Variants in WDR75 observed in about 807,000 individuals in gnomAD.
WDR75 encodes the protein WD repeat domain 75, also known as WD repeat-containing protein 75.
In WDR75, 52 loss-of-function variants were observed where a neutral mutation model predicts 106.1. The observed-to-expected ratio is 0.49, with a 90% CI of 0.39 to 0.62. The LOEUF (loss-of-function observed/expected upper bound fraction) is 0.62, where lower values mean the gene tolerates loss of function less well. Among genes scored for constraint, WDR75 ranks in the 20% least tolerant of loss-of-function variants. WDR75 has a pLI of 0.00. For missense variants in WDR75, 905 were observed against 970.3 expected, an observed-to-expected ratio of 0.93 and a Z score of 0.89; for synonymous variants, 333 against 335.5, an observed-to-expected ratio of 0.99 and a Z score of 0.08.
chr2:189,464,126 A>C lies in WDR75; in HGVS notation c.1113+165A>C, dbSNP rs895646393. ...GTTCAGTTGTTCAGAGCATAATTCC[A>C]TTGAGGCCACAGTTGCAGGTTACAT... On this transcript the variant is annotated intron_variant, in intron 11 of 20. Transcript: ENST00000314761. 1.4e-5 allele frequency: 9 copies of C among 651,516 alleles called. No individual in the cohort carries two copies. In the African/African-American group the frequency reaches 1.7e-4, roughly 12 times the overall value. The allele number at this position is 651,516 out of a possible 1,614,324, so 40.4% of individuals were successfully genotyped here.
intron 1 of WDR75, among the ~76,000 whole-genome samples, chr2:189,442,081 CTCT>C (rs1686384101): frequency 6.6e-6 from 1 of 152,198 alleles, no homozygotes; most frequent in African/African-American, 2.4e-5. Flanking sequence ...AAGACTTGGT[CTCT>C]TTTCTCAGTG....
chr2:189,449,578 A>G (rs1686573185), intron 2 of WDR75: 2 of 1,047,708 alleles, frequency 1.9e-6, no homozygotes, highest in Admixed American at 9.7e-5. Context: ...TTTGTTTCGG[A>G]TGACTGAAAG....
chr2:189,457,171 G>A, intron 5 of WDR75, 140 bp from the exon 6 acceptor site: 1 of 582,656 alleles, frequency 1.7e-6, no homozygotes, highest in South Asian at 1.8e-5. Context: ...AACTCGGGAG[G>A]CAGAGTTTGC....
intron 2 of WDR75, 129 bp downstream of exon 2, chr2:189,448,637 A>G: frequency 8.1e-7 from 1 of 1,230,548 alleles, no homozygotes; most frequent in Non-Finnish European, 1.2e-6. Flanking sequence ...GTTGTAGGGT[A>G]TTTTCCACTT....
intron 1 of WDR75, among the ~76,000 whole-genome samples, chr2:189,442,023 C>T (rs1686381992): frequency 6.6e-6 from 1 of 152,180 alleles, no homozygotes; most frequent in African/African-American, 2.4e-5. Context: ...CTTTTCGGAA[C>T]TTTACATGAA....
chr2:189,462,665 G>C, intron 9 of WDR75, 23 bp downstream of exon 9: 2 of 1,607,634 alleles, frequency 1.2e-6, no homozygotes, highest in Non-Finnish European at 1.7e-6. Context: ...TTTTTATTAT[G>C]AGGAAATATA....
Position 189,457,371 on chromosome 2 carries a change from A to G in WDR75, c.559A>G (p.Thr187Ala), listed in dbSNP as rs550757362. 2 of 1,593,320 alleles carry G rather than the reference A, an allele frequency of 1.3e-6. No homozygotes were observed. Among genetic ancestry groups the G allele is most frequent in the Admixed American group, 3.4e-5 (2 of 59,576 alleles). The change falls in exon 6 of 21, where the codon ACA (threonine) becomes GCA (alanine). Residue 187 changes from threonine (T) to alanine (A), a missense_variant. By Grantham distance (58) the Thr-to-Ala change is moderately conservative. Transcript: ENST00000314761. ...GTCTGTTTATTTTTTCAAAAAGAAA[A>G]CAACATCAAGGTAAGAATTATTTTT... ...YLSVYFFKKK[T>A]TSRFTLSSSR...
chr2:189,474,402 ACAGT>A, intron 19 of WDR75, 70 bp downstream of exon 19: 6 of 1,507,398 alleles, frequency 4.0e-6, no homozygotes, highest in South Asian at 1.3e-5. Context: ...GAGTTTTGAC[ACAGT>A]CAATCTGTAA....
chr2:189,464,086 A>G, intron 11 of WDR75, 125 bp downstream of exon 11: 1 of 794,174 alleles, frequency 1.3e-6, no homozygotes, highest in Non-Finnish European at 2.0e-6. Context: ...ACATAGTATT[A>G]TCCGTGGTTA....
At chr2:189,448,661 GC>G in intron 2 of WDR75, 153 bp downstream of exon 2, 1 of 928,128 alleles carries the variant, frequency 1.1e-6, no homozygotes, top group South Asian at 1.5e-5. Context: ...AAATTACATT[GC>G]CTATAGCATA....
In WDR75 at chr2:189,459,279, A is replaced by G. The variant is rs554481689; in HGVS notation, c.690-57A>G. On this transcript the variant is annotated intron_variant, in intron 7 of 20. Coordinates refer to ENST00000314761, the MANE Select transcript of WDR75 (RefSeq NM_032168.3). ...TTATGTTTATTGTATTTGGCATGCCATTGTTTTCCTAACTTAAACCTATGG... is the reference window on the plus strand; with the variant it reads ...TTATGTTTATTGTATTTGGCATGCCGTTGTTTTCCTAACTTAAACCTATGG... 33 of 1,302,452 alleles carry G rather than the reference A, an allele frequency of 2.5e-5. 1 individual carries two copies. The East Asian group carries it at 7.4e-4, about 29-fold the overall frequency. 80.7% of individuals were successfully genotyped at this position (1,302,452 alleles called of 1,614,324 possible). A position where few individuals can be genotyped will look rare whatever the true frequency, so the allele number is the denominator to read the frequency against.
intron 6 of WDR75, among the ~76,000 whole-genome samples, chr2:189,458,106 A>G (rs536210706): frequency 7.2e-5 from 11 of 151,972 alleles, no homozygotes; most frequent in Non-Finnish European, 1.6e-4. Context: ...TATTTTTAGT[A>G]GAGACGGGGT....
At position 189,449,350 on chromosome 2, in the gene WDR75, T is replaced by C. The variant is rs559268039; in HGVS notation, c.216+842T>C. 4.4e-5 allele frequency: 57 copies of C among 1,295,652 alleles called. No individual in the cohort carries two copies. The African/African-American group carries it at 7.8e-4, about 18-fold the overall frequency. 80.3% of individuals were successfully genotyped at this position (1,295,652 alleles called of 1,614,324 possible). A position where few individuals can be genotyped will look rare whatever the true frequency, so the allele number is the denominator to read the frequency against. The stretch of plus-strand genomic sequence containing the variant: ...CCGATCTTTTCTTTCCAAAATTAAA[T>C]GAGCTACTTCTAAAAATCAAAGTTA... On this transcript the variant is annotated intron_variant, in intron 2 of 20. Transcript: ENST00000314761.
chr2:189,459,794 G>A (rs1419290089), intron 8 of WDR75, among the ~76,000 whole-genome samples: 5 of 152,150 alleles, frequency 3.3e-5, no homozygotes, highest in Admixed American at 6.5e-5. Flanking sequence ...ATCATTGGCC[G>A]TAGGAAATGA....
In WDR75 at chr2:189,462,497, G is replaced by A; in HGVS notation, c.792G>A (p.Leu264=). The part of the protein sequence containing the change: ...LAFSVTGTSL[L]SGGRESVLVE... ...ATGGATATGAAGGCACCAGTCTGCT[G>A]AGTGGCGGTCGTGAATCTGTACTTG... is the stretch of plus-strand genomic sequence containing the variant. Residue 264 remains leucine (L), a synonymous_variant, in exon 9 of 21, where the codon CTG becomes CTA. Transcript: ENST00000314761. The A allele has an allele frequency of 6.2e-7, 1 of 1,613,856 alleles. No individual in the cohort carries two copies. The highest frequency in any genetic ancestry group is 1.1e-5 in the South Asian group (1 of 91,066).
intron 14 of WDR75, 22 bp downstream of exon 14, chr2:189,467,670 A>G: frequency 2.6e-6 from 4 of 1,550,760 alleles, no homozygotes; most frequent in Non-Finnish European, 3.5e-6. Flanking sequence ...TTCGGGAAGT[A>G]TGTAGTACTA....
chr2:189,442,446 T>TTTTC (rs1395822646), intron 1 of WDR75, among the ~76,000 whole-genome samples: 2 of 121,610 alleles, frequency 1.6e-5, no homozygotes, highest in Non-Finnish European at 3.5e-5. Flanking sequence ...AATATTCTTT[T>TTTTC]TTTTTTTTTT....
intron 1 of WDR75, among the ~76,000 whole-genome samples, chr2:189,442,417 G>A (rs1686395249): frequency 7.6e-6 from 1 of 132,288 alleles, no homozygotes; most frequent in African/African-American, 2.7e-5. Flanking sequence ...AGTATTTTAT[G>A]AAAGTTTGTA....
intron 7 of WDR75, 129 bp from the exon 8 acceptor site, chr2:189,459,207 T>G (rs1574196349): frequency 1.4e-6 from 1 of 698,880 alleles, no homozygotes. Context: ...AATGTGCACA[T>G]TAAGACCAGA....
Sources: allele counts gnomAD v4.1 joint callset (sites outside exome capture counted in the v4.1 genomes callset), GRCh38; gene constraint gnomAD v4.1.1; transcripts MANE v1.5; gene names NCBI Gene and HGNC (gene_info 2026-07-23, HGNC 2026-07-21).